Variants in PMM2 observed in about 807,000 individuals in gnomAD.
PMM2 encodes the protein phosphomannomutase 2, also known as mannose-6-phosphate isomerase.
A neutral mutation model predicts 33.2 loss-of-function variants in PMM2; 35 were observed. That is an observed-to-expected ratio of 1.06 (90% CI 0.81 to 1.40). PMM2 has a LOEUF of 1.40. PMM2 is among the 40% of genes most tolerant of loss of function. The probability of loss-of-function intolerance (pLI) is 0.00; values close to 1 mark genes in which losing one functional copy is unlikely to be tolerated. For synonymous variants in PMM2, 153 were observed against 114.7 expected, an observed-to-expected ratio of 1.33 and a Z score of -2.13; for missense variants, 386 against 306.0, an observed-to-expected ratio of 1.26 and a Z score of -1.95.
At chr16:8,815,338 G>T (rs535657219) in intron 7 of PMM2, among the ~76,000 whole-genome samples, 1 of 150,882 alleles carries the variant, frequency 6.6e-6, no homozygotes, top group Non-Finnish European at 1.5e-5. Flanking sequence ...AGTGATTCTC[G>T]TGCCTCAGCC....
chr16:8,806,328 C>T lies in PMM2; in HGVS notation c.268C>T (p.His90Tyr). The change falls in exon 4 of 8, where the codon CAT becomes TAT. Residue 90 changes from histidine (H) to tyrosine (Y), a missense_variant. By Grantham distance (83) the His-to-Tyr change is moderately conservative. Transcript: ENST00000268261. ...KLLCRQNIQSHLGEALIQDLI... is the reference protein window; with the variant it reads ...KLLCRQNIQSYLGEALIQDLI... Reference sequence around the variant, plus strand: ...TTTCTTCATCTAGAATATTCAAAGTCATCTGGGTGAGGCCCTAATCCAAGA... The same window carrying T: ...TTTCTTCATCTAGAATATTCAAAGTTATCTGGGTGAGGCCCTAATCCAAGA... 1.2e-6 allele frequency: 2 copies of T among 1,602,766 alleles called. No individual in the cohort carries two copies. The highest frequency in any genetic ancestry group is 1.7e-6 in the Non-Finnish European group (2 of 1,169,618).
chr16:8,827,750 A>ATT (rs1168624782), intron 7 of PMM2, among the ~76,000 whole-genome samples: 160 of 88,602 alleles, frequency 1.8e-3, no homozygotes, highest in East Asian at 4.2e-3. Flanking sequence ...ATATATATAT[A>ATT]TATATATATA....
At chr16:8,804,914 T>G (rs938474396) in intron 3 of PMM2, 71 bp downstream of exon 3, 1 of 942,928 alleles carries the variant, frequency 1.1e-6, no homozygotes, top group Admixed American at 1.7e-5. Context: ...TCACAATGAA[T>G]GCCTCTAGGA....
chr16:8,815,519 G>C (rs534671074), intron 7 of PMM2, among the ~76,000 whole-genome samples: 32 of 152,272 alleles, frequency 2.1e-4, no homozygotes, highest in African/African-American at 6.7e-4. Context: ...GCGTGAGCCA[G>C]CGTGCCCGGT....
At chr16:8,835,868 T>A (rs2060842441) in intron 7 of PMM2, among the ~76,000 whole-genome samples, 1 of 151,662 alleles carries the variant, frequency 6.6e-6, no homozygotes, top group Non-Finnish European at 1.5e-5. Context: ...ACTTGTGGGT[T>A]AAGGTTGGGG....
intron 2 of PMM2, among the ~76,000 whole-genome samples, chr16:8,803,483 A>C (rs982618167): frequency 1.6e-4 from 24 of 152,214 alleles, no homozygotes; most frequent in African/African-American, 5.8e-4. Flanking sequence ...CACAGGCCAA[A>C]AGACAGTTGA....
intron 3 of PMM2, among the ~76,000 whole-genome samples, 168 bp downstream of exon 3, chr16:8,805,011 A>G (rs1040753816): frequency 2.6e-5 from 4 of 152,164 alleles, no homozygotes; most frequent in Non-Finnish European, 4.4e-5. Context: ...TTCTACATTG[A>G]TAACTAAATT....
chr16:8,802,086 T>A (rs1468154558), intron 2 of PMM2, 176 bp downstream of exon 2: 4 of 599,638 alleles, frequency 6.7e-6, no homozygotes, highest in Non-Finnish European at 1.3e-5. Context: ...TCCAGTACAT[T>A]TCTGGAGTTA....
intron 7 of PMM2, among the ~76,000 whole-genome samples, chr16:8,836,489 G>A (rs895667639): frequency 9.2e-5 from 14 of 152,056 alleles, no homozygotes; most frequent in Admixed American, 3.3e-4. Flanking sequence ...AGCTCCTGGG[G>A]GAGGAGGTTC....
intron 7 of PMM2, among the ~76,000 whole-genome samples, chr16:8,820,370 C>CTTTTTTTTTTTTTTT (rs2060731547): frequency 8.9e-6 from 1 of 112,612 alleles, no homozygotes; most frequent in Non-Finnish European, 1.8e-5. Flanking sequence ...TTTTTTTTTC[C>CTTTTTTTTTTTTTTT]TGAGACAAGG....
At chr16:8,845,613 C>G (rs1051776785) in intron 7 of PMM2, among the ~76,000 whole-genome samples, 3 of 151,734 alleles carry the variant, frequency 2.0e-5, no homozygotes, top group East Asian at 1.9e-4. Context: ...GAGTCTCGCT[C>G]TGTTGCCCAG....
intron 7 of PMM2, among the ~76,000 whole-genome samples, chr16:8,814,800 G>A (rs993808022): frequency 6.6e-6 from 1 of 152,118 alleles, no homozygotes; most frequent in Non-Finnish European, 1.5e-5. Flanking sequence ...TTTTGGGGGC[G>A]GTTTGGGATT....
chr16:8,842,756 A>G lies in PMM2; in HGVS notation c.640-4968A>G, dbSNP rs1051629631. Among the ~76,000 whole-genome samples the G allele has an allele frequency of 3.3e-5, 5 of 152,322 alleles. No homozygotes were observed. In the South Asian group the frequency reaches 8.3e-4, roughly 25 times the overall value. ...AATGGGGGGATTATAAGAAGAGTTT[A>G]TAGGTTTTAGAAGCCTATGCTGTAG... On this transcript the variant is annotated intron_variant, in intron 7 of 7. Coordinates refer to ENST00000268261, the MANE Select transcript of PMM2 (RefSeq NM_000303.3).
In PMM2 at chr16:8,848,744, G is replaced by GC. The variant is rs1331461871; in HGVS notation, c.*920dup. The GC allele has an allele frequency of 6.6e-6, 1 of 152,280 alleles. No individual in the cohort carries two copies. The highest frequency in any genetic ancestry group is 1.5e-5 in the Non-Finnish European group (1 of 68,068). The allele number at this position is 152,280 out of a possible 1,614,324, so 9.4% of individuals were successfully genotyped here. A position where few individuals can be genotyped will look rare whatever the true frequency, so the allele number is the denominator to read the frequency against. Reference sequence around the variant, plus strand: ...TCGCCTCTAGTTTCTCAGGGATGGAGCGAGAGCCCAGCCAGAGAACAGTAA... The same window carrying GC: ...TCGCCTCTAGTTTCTCAGGGATGGAGCCGAGAGCCCAGCCAGAGAACAGTAA... On this transcript the variant is annotated 3_prime_UTR_variant, in exon 8 of 8. Coordinates refer to ENST00000268261, the MANE Select transcript of PMM2 (RefSeq NM_000303.3).
chr16:8,847,823 T>G lies in PMM2; in HGVS notation c.739T>G (p.Ter247GluextTer15). Residue 247 changes from the stop codon to glutamate (E), a stop_lost, in exon 8 of 8, where the codon TAA becomes GAA. Coordinates refer to ENST00000268261, the MANE Select transcript of PMM2 (RefSeq NM_000303.3). ...TRRICELLFS[*>E] is the part of the protein sequence containing the mutation. The stretch of plus-strand genomic sequence containing the variant: ...CAGGATCTGTGAACTGCTGTTCTCC[T>G]AACGTGGGAGCGGGAGGGGCGGGGT... 6.2e-7 allele frequency: 1 copy of G among 1,610,644 alleles called. No homozygotes were observed.
At chr16:8,802,605 G>C (rs913560545) in intron 2 of PMM2, among the ~76,000 whole-genome samples, 2 of 152,050 alleles carry the variant, frequency 1.3e-5, no homozygotes, top group African/African-American at 2.4e-5. Flanking sequence ...GAGGCGGATG[G>C]ATCACCTGAG....
chr16:8,834,041 G>T (rs561838756), intron 7 of PMM2, among the ~76,000 whole-genome samples: 23 of 149,610 alleles, frequency 1.5e-4, no homozygotes, highest in South Asian at 2.1e-4. Context: ...ACAAGTTTTG[G>T]GGGGCACAGT....
chr16:8,810,931 G>A (rs2060673615), intron 4 of PMM2, 148 bp from the exon 5 acceptor site: 1 of 677,996 alleles, frequency 1.5e-6, no homozygotes, highest in South Asian at 1.6e-5. Flanking sequence ...GTAGTTCATG[G>A]CTACCATATT....
intron 7 of PMM2, among the ~76,000 whole-genome samples, chr16:8,827,099 C>G (rs2060772978): frequency 6.6e-6 from 1 of 151,974 alleles, no homozygotes; most frequent in Non-Finnish European, 1.5e-5. Flanking sequence ...CAGAACAGAG[C>G]CTTAGATTTT....
Sources: gnomAD v4.1 joint callset for allele counts (sites outside exome capture counted in the v4.1 genomes callset) on GRCh38, gnomAD v4.1.1 for gene constraint, MANE v1.5 for transcripts, NCBI Gene and HGNC (gene_info 2026-07-23, HGNC 2026-07-21) for gene names.